The following ACBD5 variants were observed in gnomAD, a reference collection of about 807,000 sequenced individuals.
ACBD5 encodes acyl-CoA-binding domain-containing protein 5.
Under a neutral mutation model 71.8 loss-of-function variants are expected in ACBD5, and 40 were observed. That is an observed-to-expected ratio of 0.56 (90% CI 0.43 to 0.72). The LOEUF (loss-of-function observed/expected upper bound fraction) is 0.72, where lower values mean the gene tolerates loss of function less well. Ranked by LOEUF, ACBD5 falls within the 30% of genes least tolerant of loss-of-function variation. The probability of loss-of-function intolerance (pLI) is 0.00; values close to 1 mark genes in which losing one functional copy is unlikely to be tolerated. For missense variants in ACBD5, 559 were observed against 644.5 expected (o/e 0.87, Z 1.44); for synonymous variants, 229 against 218.6 (o/e 1.05, Z -0.42).
chr10:27,224,964 G>T (rs1006313960), intron 4 of ACBD5, among the ~76,000 whole-genome samples: 8 of 152,098 alleles, frequency 5.3e-5, no homozygotes, highest in Non-Finnish European at 1.5e-5. Flanking sequence ...CCAGGAGGCG[G>T]AGGTTGCAGT....
intron 12 of ACBD5, among the ~76,000 whole-genome samples, chr10:27,199,111 A>C (rs555186670): frequency 1.3e-5 from 2 of 152,070 alleles, no homozygotes; most frequent in African/African-American, 4.8e-5. Flanking sequence ...TCTGTCTCAA[A>C]ATAAATAAAT....
At chr10:27,189,400 G>T (rs1054378427) in intron 13 of ACBD5, among the ~76,000 whole-genome samples, 3 of 152,148 alleles carry the variant, frequency 2.0e-5, no homozygotes, top group Non-Finnish European at 4.4e-5. Context: ...CAGCACTTTG[G>T]ACAGCCAAGG....
At chr10:27,203,147 T>A (rs2060109578) in intron 12 of ACBD5, among the ~76,000 whole-genome samples, 1 of 151,924 alleles carries the variant, frequency 6.6e-6, no homozygotes, top group South Asian at 2.1e-4. Context: ...CTAATTTTTT[T>A]ATTTAATTTT....
At chr10:27,187,525 G>A (rs541399535) in intron 13 of ACBD5, among the ~76,000 whole-genome samples, 1 of 152,200 alleles carries the variant, frequency 6.6e-6, no homozygotes, top group South Asian at 2.1e-4. Context: ...GCTGAGGCAG[G>A]CAAGTCGCTT....
At chr10:27,203,469 T>C (rs2060142509) in intron 12 of ACBD5, among the ~76,000 whole-genome samples, 1 of 152,206 alleles carries the variant, frequency 6.6e-6, no homozygotes, top group South Asian at 2.1e-4. Context: ...ATGGGCACAG[T>C]GGCTCGTGCC....
chr10:27,217,851 AAT>A (rs2061844363), intron 7 of ACBD5, 127 bp downstream of exon 7: 1 of 855,208 alleles, frequency 1.2e-6, no homozygotes, highest in Non-Finnish European at 1.8e-6. Flanking sequence ...AAATGCTTAT[AAT>A]ATTAATAAGC....
At chr10:27,198,882 G>T (rs995836352) in intron 12 of ACBD5, among the ~76,000 whole-genome samples, 3 of 152,060 alleles carry the variant, frequency 2.0e-5, no homozygotes, top group Non-Finnish European at 2.9e-5. Context: ...AGGCCGAGGC[G>T]GGCGGATCAC....
chr10:27,218,987 A>G (rs1257831865), intron 6 of ACBD5, among the ~76,000 whole-genome samples: 2 of 152,106 alleles, frequency 1.3e-5, no homozygotes, highest in African/African-American at 4.8e-5. Flanking sequence ...CCATAATTCC[A>G]ATGTTCCTTC....
At chr10:27,207,771 G>A (rs570683738) in intron 10 of ACBD5, among the ~76,000 whole-genome samples, 2 of 152,200 alleles carry the variant, frequency 1.3e-5, no homozygotes, top group African/African-American at 4.8e-5. Context: ...GTCTCACTCT[G>A]TCACCCAGGC....
chr10:27,239,248 G>T (rs924889295), intron 2 of ACBD5, among the ~76,000 whole-genome samples: 5 of 152,162 alleles, frequency 3.3e-5, no homozygotes, highest in African/African-American at 9.7e-5. Context: ...AATGTAGAAA[G>T]ATATGAATTG....
chr10:27,193,837 C>A (rs1299255083), downstream of ACBD5, among the ~76,000 whole-genome samples: 1 of 152,154 alleles, frequency 6.6e-6, no homozygotes, highest in Non-Finnish European at 1.5e-5. Flanking sequence ...GGAAAAGACC[C>A]AGTTACTTGG....
At chr10:27,182,894 C>G (rs1413113061) in intron 13 of ACBD5, among the ~76,000 whole-genome samples, 2 of 151,870 alleles carry the variant, frequency 1.3e-5, no homozygotes, top group Non-Finnish European at 2.9e-5. Context: ...AGGATCCTCC[C>G]ACCTCAGCCT....
At position 27,240,646 on chromosome 10, in the gene ACBD5, G is replaced by A. The variant is rs770163273; in HGVS notation, c.15+28C>T. ...GGGGCGTGACTAAGGCCACGAATCC[G>A]GCCCGCGACGACAGCAAAACAACTC... On this transcript the variant is annotated intron_variant, in intron 1 of 12. Transcript: ENST00000396271. The surrounding 1 kb of genome is among the most constrained non-coding windows in gnomAD (Gnocchi z 4.1). 2.1e-5 allele frequency: 33 copies of A among 1,550,914 alleles called. No individual in the cohort carries two copies. The African/African-American group carries it at 4.0e-4, about 19-fold the overall frequency.
At chr10:27,186,601 T>C in intron 13 of ACBD5, 7 of 1,325,788 alleles carry the variant, frequency 5.3e-6, no homozygotes, top group Non-Finnish European at 7.6e-6. Context: ...TATATACTCC[T>C]TAATACTAGA....
chr10:27,237,926 CT>C (rs1046493556), intron 2 of ACBD5, among the ~76,000 whole-genome samples: 18 of 147,486 alleles, frequency 1.2e-4, no homozygotes, highest in Middle Eastern at 3.8e-3. Context: ...GATAGGGTAT[CT>C]TTTTTTTTAA....
At chr10:27,186,461 T>G in intron 13 of ACBD5, 3 of 1,613,968 alleles carry the variant, frequency 1.9e-6, no homozygotes, top group Non-Finnish European at 2.5e-6. Flanking sequence ...CCCAGCCAGA[T>G]GATGAAACAG....
intron 4 of ACBD5, among the ~76,000 whole-genome samples, chr10:27,228,816 T>TATATATATATATA (rs71386926): frequency 1.7e-3 from 32 of 18,652 alleles, no homozygotes; most frequent in Non-Finnish European, 3.0e-3. Flanking sequence ...TATATATATA[T>TATATATATATATA]TTTTTTTTTT....
At position 27,240,713 on chromosome 10, in the gene ACBD5, C is replaced by T. The variant is rs763375828; in HGVS notation, c.-25G>A. 3 of 1,550,380 alleles carry T rather than the reference C, an allele frequency of 1.9e-6. No individual in the cohort carries two copies. Among genetic ancestry groups the T allele is most frequent in the South Asian group, 2.4e-5 (2 of 84,056 alleles). On this transcript the variant is annotated 5_prime_UTR_variant, in exon 1 of 13. Transcript: ENST00000396271. This position sits in a 1 kb window ranked among gnomAD's most constrained non-coding sequence, Gnocchi z 4.1. Reference sequence around the variant, plus strand: ...TGTCTAGCAGAAGACAGAGGGGGTCCGGGCATCGGTGGCCGCGGAGCCGCT... The same window carrying T: ...TGTCTAGCAGAAGACAGAGGGGGTCTGGGCATCGGTGGCCGCGGAGCCGCT...
intron 13 of ACBD5, among the ~76,000 whole-genome samples, chr10:27,184,150 A>T (rs1292275645): frequency 6.6e-6 from 1 of 152,206 alleles, no homozygotes; most frequent in Non-Finnish European, 1.5e-5. Flanking sequence ...ATTCTAGTGG[A>T]AAGAGAGACA....
Sources: allele counts gnomAD v4.1 joint callset (sites outside exome capture counted in the v4.1 genomes callset), GRCh38; gene constraint gnomAD v4.1.1; non-coding constraint Gnocchi (gnomAD v3.1); transcripts MANE v1.5; gene names NCBI Gene and HGNC (gene_info 2026-07-23, HGNC 2026-07-21).